The following SCAMP5 variants were observed in gnomAD, a reference collection of about 807,000 sequenced individuals.
SCAMP5 encodes secretory carrier membrane protein 5, also known as secretory carrier-associated membrane protein 5.
SCAMP5 carries 7 observed loss-of-function variants against 28.3 expected under a neutral mutation model. The ratio of observed to expected loss-of-function variants is 0.25; its 90% confidence interval spans 0.14 to 0.46. SCAMP5 has a LOEUF of 0.46. Ranked by LOEUF, SCAMP5 falls within the 20% of genes least tolerant of loss-of-function variation. SCAMP5 has a pLI of 0.99. For synonymous variants in SCAMP5, 117 were observed against 116.4 expected (o/e 1.00, Z -0.03); for missense variants, 192 against 312.5 (o/e 0.61, Z 2.91).
intron 3 of SCAMP5, among the ~76,000 whole-genome samples, chr15:75,014,870 A>G (rs2065845606): frequency 6.6e-6 from 1 of 152,184 alleles, no homozygotes; most frequent in African/African-American, 2.4e-5. Context: ...TGTCTTTTCT[A>G]TATAAAGAGC....
intron 1 of SCAMP5, among the ~76,000 whole-genome samples, chr15:75,001,350 T>A (rs1323167079): frequency 6.8e-6 from 1 of 146,308 alleles, no homozygotes; most frequent in Non-Finnish European, 1.5e-5. Context: ...ACCAGGGAGG[T>A]GTTCTGTGTT....
At chr15:75,013,037 C>T in intron 3 of SCAMP5, 1 of 541,090 alleles carries the variant, frequency 1.8e-6, no homozygotes, top group Non-Finnish European at 3.3e-6. Context: ...GCCTCTCTTC[C>T]CTTCCTTCCC....
At chr15:75,012,909 A>G in intron 3 of SCAMP5, 104 bp downstream of exon 3, 1 of 1,147,502 alleles carries the variant, frequency 8.7e-7, no homozygotes, top group Non-Finnish European at 1.3e-6. Flanking sequence ...ACTGTCCTTC[A>G]GTCCCACTTG....
chr15:75,011,879 A>G (rs777418327), intron 2 of SCAMP5, 33 bp downstream of exon 2: 3 of 1,601,846 alleles, frequency 1.9e-6, no homozygotes, highest in Admixed American at 1.7e-5. Context: ...TGGGTAGGAC[A>G]TGACAGTGAG....
rs554391050 is a variant in SCAMP5, at chr15:74,999,694, C to T, written c.-49+4021C>T. On this transcript the variant is annotated intron_variant, in intron 1 of 6. Coordinates refer to ENST00000425597, the MANE Select transcript of SCAMP5 (RefSeq NM_138967.4). The stretch of plus-strand genomic sequence containing the variant: ...GTGCGCACCTGTAGTCCCAGCTACT[C>T]GGGAGGCTGAGGCAGGGGAATTGCT... 7.2e-5 allele frequency among the ~76,000 whole-genome samples: 11 copies of T among 152,040 alleles called. No homozygotes were observed. The East Asian group carries it at 1.5e-3, about 21-fold the overall frequency.
chr15:75,016,002 T>A (rs1595888942), intron 3 of SCAMP5, among the ~76,000 whole-genome samples: 1 of 151,592 alleles, frequency 6.6e-6, no homozygotes, highest in Admixed American at 6.6e-5. Flanking sequence ...CCCATTTAAG[T>A]GCAAGGTAGA....
intron 1 of SCAMP5, among the ~76,000 whole-genome samples, chr15:75,004,993 G>A (rs1411808176): frequency 6.6e-6 from 1 of 152,134 alleles, no homozygotes; most frequent in East Asian, 1.9e-4. Flanking sequence ...TGCCCAACAT[G>A]GTGAAACCCA....
chr15:75,009,312 C>T (rs558232092), intron 1 of SCAMP5, among the ~76,000 whole-genome samples: 2 of 152,144 alleles, frequency 1.3e-5, no homozygotes, highest in Non-Finnish European at 2.9e-5. Context: ...CCCTTCTCTT[C>T]TCTTTTTGTG....
Position 75,018,365 on chromosome 15 carries a change from C to T in SCAMP5, c.396-53C>T, listed in dbSNP as rs1407568046. 2 of 1,112,566 alleles carry T rather than the reference C, an allele frequency of 1.8e-6. No individual in the cohort carries two copies. Among genetic ancestry groups the T allele is most frequent in the South Asian group, 1.2e-5 (1 of 81,066 alleles). 68.9% of individuals were successfully genotyped at this position (1,112,566 alleles called of 1,614,324 possible). On this transcript the variant is annotated intron_variant, in intron 5 of 6. Transcript: ENST00000425597. The surrounding 1 kb of genome is among the most constrained non-coding windows in gnomAD (Gnocchi z 5.6). ...GACGGTCCCTTCCTCTAGCGGGGGGCTCCTGGGCACCTCTTATCCTGCCCG... is the reference window on the plus strand; with the variant it reads ...GACGGTCCCTTCCTCTAGCGGGGGGTTCCTGGGCACCTCTTATCCTGCCCG...
At chr15:75,000,683 C>CTTTTT (rs58106804) in intron 1 of SCAMP5, among the ~76,000 whole-genome samples, 3 of 120,288 alleles carry the variant, frequency 2.5e-5, no homozygotes, top group African/African-American at 9.1e-5. Flanking sequence ...CGCACCCAGC[C>CTTTTT]TTTTTTTTTT....
At chr15:75,015,680 C>A (rs2065852845) in intron 3 of SCAMP5, among the ~76,000 whole-genome samples, 1 of 152,114 alleles carries the variant, frequency 6.6e-6, no homozygotes, top group African/African-American at 2.4e-5. Flanking sequence ...TAATCCGGCA[C>A]TGTGGGAGGC....
In SCAMP5 at chr15:75,018,699, G is replaced by GT. The variant is rs1196588186; in HGVS notation, c.514-80dup. Reference sequence around the variant, plus strand: ...GAGGCATTCATGGGGAGGGAGCACTGTTTTTTTTTTACAGATGGGTCCCAT... The same window carrying GT: ...GAGGCATTCATGGGGAGGGAGCACTGTTTTTTTTTTTACAGATGGGTCCCAT... On this transcript the variant is annotated intron_variant, in intron 6 of 6. Coordinates refer to ENST00000425597, the MANE Select transcript of SCAMP5 (RefSeq NM_138967.4). The surrounding 1 kb of genome is among the most constrained non-coding windows in gnomAD (Gnocchi z 5.6). 0.05 allele frequency: 36,055 copies of GT among 724,820 alleles called. No homozygotes were observed. The highest frequency in any genetic ancestry group is 0.056 in the Non-Finnish European group (27,203 of 488,236). The allele number at this position is 724,820 out of a possible 1,614,324, so 44.9% of individuals were successfully genotyped here.
At chr15:75,014,427 CACA>C (rs1296749905) in intron 3 of SCAMP5, among the ~76,000 whole-genome samples, 1 of 152,038 alleles carries the variant, frequency 6.6e-6, no homozygotes, top group African/African-American at 2.4e-5. Flanking sequence ...AGAGTGGGCT[CACA>C]ACGAGGCCAT....
rs1301173720 is a variant in SCAMP5 at position 75,015,943 on chromosome 15, A to G, written c.137-650A>G. Among the ~76,000 whole-genome samples, 13 of 151,798 alleles carry G rather than the reference A, an allele frequency of 8.6e-5. No homozygotes were observed. The East Asian group carries it at 2.3e-3, about 27-fold the overall frequency. ...TCCATCTCAAAAAAAAAAAAAAAAA[A>G]AAAGAAATAGATTAGATAAAGACTG... is the stretch of plus-strand genomic sequence containing the variant. On this transcript the variant is annotated intron_variant, in intron 3 of 6. Coordinates refer to ENST00000425597, the MANE Select transcript of SCAMP5 (RefSeq NM_138967.4).
In SCAMP5 at chr15:75,019,733, A is replaced by G. The variant is rs921237325; in HGVS notation, c.*750A>G. On this transcript the variant is annotated 3_prime_UTR_variant, in exon 7 of 7. Coordinates refer to ENST00000425597, the MANE Select transcript of SCAMP5 (RefSeq NM_138967.4). Reference sequence around the variant, plus strand: ...GATCCCCAAATCTAATCTGATTTACAGTTCAAGGAAGCTGATGGGGAGCTG... The same window carrying G: ...GATCCCCAAATCTAATCTGATTTACGGTTCAAGGAAGCTGATGGGGAGCTG... 1.3e-5 allele frequency: 2 copies of G among 152,660 alleles called. No homozygotes were observed. Among genetic ancestry groups the G allele is most frequent in the Non-Finnish European group, 2.9e-5 (2 of 68,050 alleles). 9.5% of individuals were successfully genotyped at this position (152,660 alleles called of 1,614,324 possible).
chr15:75,007,280 C>T (rs1166023349), intron 1 of SCAMP5, among the ~76,000 whole-genome samples: 1 of 152,222 alleles, frequency 6.6e-6, no homozygotes, highest in Non-Finnish European at 1.5e-5. Flanking sequence ...AAATAATCAG[C>T]ACACTGATTC....
chr15:75,018,063 G>A lies in SCAMP5; in HGVS notation c.395+92G>A. 1 of 781,042 alleles carries A rather than the reference G, an allele frequency of 1.3e-6. No individual in the cohort carries two copies. Among genetic ancestry groups the A allele is most frequent in the African/African-American group, 1.7e-5 (1 of 58,692 alleles). The allele number at this position is 781,042 out of a possible 1,614,324, so 48.4% of individuals were successfully genotyped here. A position where few individuals can be genotyped will look rare whatever the true frequency, so the allele number is the denominator to read the frequency against. Reference sequence around the variant, plus strand: ...TTGTGTGCTAAGCTGTCTAGCCTATGGGGCCTGAGTGATGGGTTGTTGGGA... The same window carrying A: ...TTGTGTGCTAAGCTGTCTAGCCTATAGGGCCTGAGTGATGGGTTGTTGGGA... On this transcript the variant is annotated intron_variant, in intron 5 of 6. Coordinates refer to ENST00000425597, the MANE Select transcript of SCAMP5 (RefSeq NM_138967.4). This position sits in a 1 kb window ranked among gnomAD's most constrained non-coding sequence, Gnocchi z 5.6.
chr15:75,002,846 A>G (rs1180678396), intron 1 of SCAMP5, among the ~76,000 whole-genome samples: 1 of 152,026 alleles, frequency 6.6e-6, no homozygotes, highest in African/African-American at 2.4e-5. Context: ...TGTCAGTTCT[A>G]AGATGAACAT....
At chr15:75,003,248 C>G (rs891639373) in intron 1 of SCAMP5, among the ~76,000 whole-genome samples, 4 of 152,140 alleles carry the variant, frequency 2.6e-5, no homozygotes, top group Admixed American at 2.0e-4. Flanking sequence ...TTTTTTCTTA[C>G]TTTTGGTCAA....
Sources: gnomAD v4.1 joint callset for allele counts (sites outside exome capture counted in the v4.1 genomes callset) on GRCh38, gnomAD v4.1.1 for gene constraint, Gnocchi (gnomAD v3.1) non-coding constraint, MANE v1.5 for transcripts, NCBI Gene and HGNC (gene_info 2026-07-23, HGNC 2026-07-21) for gene names.